The following KIF2A variants were observed in gnomAD, a reference collection of about 807,000 sequenced individuals.
KIF2A encodes the protein kinesin family member 2A.
KIF2A carries 22 observed loss-of-function variants against 100.2 expected under a neutral mutation model. The ratio of observed to expected loss-of-function variants is 0.22; its 90% CI spans 0.16 to 0.31. KIF2A has a LOEUF of 0.31. Among genes scored for constraint, KIF2A ranks in the 10% least tolerant of loss-of-function variants. The probability of loss-of-function intolerance (pLI) is 1.00; values close to 1 mark genes in which losing one functional copy is unlikely to be tolerated. For synonymous variants in KIF2A, 268 were observed against 285.9 expected, an observed-to-expected ratio of 0.94 and a Z score of 0.63; for missense variants, 495 against 898.7, an observed-to-expected ratio of 0.55 and a Z score of 5.74.
chr5:62,358,383 ATTTC>A (rs1282971275), intron 9 of KIF2A, 84 bp downstream of exon 9: 5 of 879,222 alleles, frequency 5.7e-6, no homozygotes, highest in Non-Finnish European at 8.5e-6. Context: ...ATTGTGGGAT[ATTTC>A]TTAAGAGGTG....
chr5:62,348,797 G>A, intron 3 of KIF2A, among the ~76,000 whole-genome samples: 1 of 152,094 alleles, frequency 6.6e-6, no homozygotes, highest in Non-Finnish European at 1.5e-5. Flanking sequence ...CAAAGTTGTT[G>A]AATCTGCGGT....
intron 1 of KIF2A, among the ~76,000 whole-genome samples, chr5:62,327,022 T>C (rs1021231349): frequency 2.6e-5 from 4 of 152,200 alleles, no homozygotes; most frequent in African/African-American, 9.6e-5. Flanking sequence ...CTGTTTTACT[T>C]GATCTGTTAG....
intron 11 of KIF2A, chr5:62,362,204 T>G (rs1561273857): frequency 6.2e-6 from 1 of 160,242 alleles, no homozygotes; most frequent in East Asian, 1.8e-4. Context: ...ACCTATAATT[T>G]TATGCTATTT....
intron 1 of KIF2A, among the ~76,000 whole-genome samples, chr5:62,334,135 C>A (rs1746802107): frequency 6.6e-6 from 1 of 152,050 alleles, no homozygotes; most frequent in Admixed American, 6.6e-5. Flanking sequence ...TACCTGACCT[C>A]ATCAATTTGT....
chr5:62,310,258 T>C (rs372089211), intron 1 of KIF2A, among the ~76,000 whole-genome samples: 40 of 152,164 alleles, frequency 2.6e-4, no homozygotes, highest in African/African-American at 9.6e-4. Context: ...TTTGCCACGT[T>C]GGCCAGGCTG....
At chr5:62,317,925 T>G (rs1745899352) in intron 1 of KIF2A, among the ~76,000 whole-genome samples, 1 of 141,596 alleles carries the variant, frequency 7.1e-6, no homozygotes, top group South Asian at 2.2e-4. Context: ...TAAACTCTCT[T>G]GCTCACAAGA....
intron 1 of KIF2A, among the ~76,000 whole-genome samples, chr5:62,342,999 G>A (rs1028607519): frequency 6.6e-6 from 1 of 152,008 alleles, no homozygotes; most frequent in Non-Finnish European, 1.5e-5. Flanking sequence ...TGATCTGCCC[G>A]CCTCAGCCTC....
chr5:62,318,488 C>T (rs897041323), intron 1 of KIF2A, among the ~76,000 whole-genome samples: 5 of 152,176 alleles, frequency 3.3e-5, no homozygotes, highest in Admixed American at 6.5e-5. Context: ...CCTATAACTT[C>T]GCTCTAAGTA....
At chr5:62,331,613 G>A (rs536856713) in intron 1 of KIF2A, among the ~76,000 whole-genome samples, 34 of 152,050 alleles carry the variant, frequency 2.2e-4, no homozygotes, top group African/African-American at 8.2e-4. Context: ...AAATTATAAA[G>A]GTCTTAATGT....
Position 62,327,489 on chromosome 5 carries a change from C to T in KIF2A, c.65-19641C>T, listed in dbSNP as rs964211445. Among the ~76,000 whole-genome samples, 8 of 152,192 alleles carry T rather than the reference C, an allele frequency of 5.3e-5. 1 individual carries two copies. Among genetic ancestry groups the T allele is most frequent in the Non-Finnish European group, 1.0e-4 (7 of 68,032 alleles). On this transcript the variant is annotated intron_variant, in intron 1 of 20. Coordinates refer to ENST00000407818, the MANE Select transcript of KIF2A (RefSeq NM_001098511.3). ...AGAATGCATGATTTAAATTGACAAT[C>T]CCCAAGCTTTTTTCTTCAGCTTTGA...
At chr5:62,306,851 C>T (rs951671970) in intron 1 of KIF2A, 2 of 369,780 alleles carry the variant, frequency 5.4e-6, no homozygotes, top group Non-Finnish European at 9.8e-6. Flanking sequence ...ATCTCCAGCC[C>T]CCCCCCGGGG....
intron 1 of KIF2A, among the ~76,000 whole-genome samples, chr5:62,323,694 A>T (rs1417281265): frequency 6.6e-6 from 1 of 152,142 alleles, no homozygotes; most frequent in African/African-American, 2.4e-5. Flanking sequence ...GTGAAGCTGA[A>T]TGTAGGGGGT....
chr5:62,317,583 G>GACTGTAATTC (rs1745879595), intron 1 of KIF2A, among the ~76,000 whole-genome samples: 1 of 152,174 alleles, frequency 6.6e-6, no homozygotes, highest in Non-Finnish European at 1.5e-5. Flanking sequence ...ATTCATTGTA[G>GACTGTAATTC]ACTGTAATTC....
chr5:62,377,946 C>A (rs1741617271), intron 19 of KIF2A, among the ~76,000 whole-genome samples, 184 bp downstream of exon 19: 1 of 152,184 alleles, frequency 6.6e-6, no homozygotes, highest in Non-Finnish European at 1.5e-5. Flanking sequence ...AATAACATTT[C>A]TTTGCACCAT....
intron 1 of KIF2A, among the ~76,000 whole-genome samples, chr5:62,333,779 C>G (rs1277148309): frequency 1.3e-5 from 2 of 152,106 alleles, no homozygotes; most frequent in African/African-American, 4.8e-5. Context: ...ACCTGTTTTG[C>G]CCAGCATCTG....
At chr5:62,359,485 CAT>C (rs942832342) in intron 9 of KIF2A, among the ~76,000 whole-genome samples, 2 of 151,332 alleles carry the variant, frequency 1.3e-5, no homozygotes, top group African/African-American at 2.4e-5. Flanking sequence ...AATTAAAGGA[CAT>C]ATGAATACTA....
chr5:62,352,586 A>C lies in KIF2A; in HGVS notation c.335-2A>C. 6.6e-7 allele frequency: 1 copy of C among 1,524,384 alleles called. No homozygotes were observed. 94.4% of individuals were successfully genotyped at this position (1,524,384 alleles called of 1,614,324 possible). ...TTTAAAATTTTTTTTTTTTACTTAC[A>C]GTGGTTGGTTCAGCACGTGCACGGC... On this transcript the variant is annotated splice_acceptor_variant, in intron 4 of 20. Transcript: ENST00000407818. LOFTEE classifies it high-confidence loss of function.
intron 1 of KIF2A, among the ~76,000 whole-genome samples, chr5:62,340,416 A>G (rs373564425): frequency 1.3e-5 from 2 of 152,238 alleles, no homozygotes; most frequent in East Asian, 3.8e-4. Flanking sequence ...GAGTTAGTGA[A>G]GATGGAATAC....
chr5:62,361,888 G>A (rs1347881374), intron 11 of KIF2A, among the ~76,000 whole-genome samples: 2 of 151,788 alleles, frequency 1.3e-5, no homozygotes, highest in Non-Finnish European at 2.9e-5. Context: ...TTAGCCAGGC[G>A]TGGTGGCGGG....
Sources: gnomAD v4.1 joint callset for allele counts (sites outside exome capture counted in the v4.1 genomes callset) on GRCh38, gnomAD v4.1.1 for gene constraint, MANE v1.5 for transcripts, NCBI Gene and HGNC (gene_info 2026-07-23, HGNC 2026-07-21) for gene names.